The following WDPCP variants were observed in gnomAD, a reference collection of about 807,000 sequenced individuals.
The protein encoded by WDPCP is WD repeat containing planar cell polarity effector.
In WDPCP, 71 loss-of-function variants were observed where a neutral mutation model predicts 93.1. That is an observed-to-expected ratio of 0.76 (90% CI 0.63 to 0.93). The LOEUF (loss-of-function observed/expected upper bound fraction) is 0.93, where lower values mean the gene tolerates loss of function less well. Among genes scored for constraint, WDPCP ranks in the 40% least tolerant of loss-of-function variants. The pLI is 0.00. For synonymous variants in WDPCP, 315 were observed against 315.0 expected, an observed-to-expected ratio of 1.00 and a Z score of 0.00; for missense variants, 844 against 887.4, an observed-to-expected ratio of 0.95 and a Z score of 0.62.
chr2:63,711,412 T>C (rs1308928670), intron 2 of WDPCP: 1 of 152,176 alleles, frequency 6.6e-6, no homozygotes, highest in African/African-American at 2.4e-5. Flanking sequence ...AATGGAAGGA[T>C]ACTTTCCATA....
Position 63,313,870 on chromosome 2 carries a change from A to ATATATGTGTGTG in WDPCP, c.1749-560_1749-559insCACACACATATA, listed in dbSNP as rs1559311939. On this transcript the variant is annotated intron_variant, in intron 12 of 17. Coordinates refer to ENST00000272321, the MANE Select transcript of WDPCP (RefSeq NM_015910.7). ...TATTCATACATATATATATATATAT[A>ATATATGTGTGTG]TATATATATATATATATTTTTTTTT... 4.3e-4 allele frequency among the ~76,000 whole-genome samples: 21 copies of ATATATGTGTGTG among 48,672 alleles called. 1 individual carries two copies. Among genetic ancestry groups the ATATATGTGTGTG allele is most frequent in the South Asian group, 1.5e-3 (2 of 1,376 alleles). The allele number at this position is 48,672 out of a possible 152,430, so 31.9% of individuals were successfully genotyped here.
At chr2:63,281,008 C>A (rs944584548) in intron 13 of WDPCP, among the ~76,000 whole-genome samples, 1 of 151,990 alleles carries the variant, frequency 6.6e-6, no homozygotes, top group Non-Finnish European at 1.5e-5. Context: ...AGTTTTTCTG[C>A]ACTGGAAAAG....
chr2:63,337,201 C>A (rs1264547996), intron 12 of WDPCP, among the ~76,000 whole-genome samples: 1 of 152,168 alleles, frequency 6.6e-6, no homozygotes, highest in Non-Finnish European at 1.5e-5. Context: ...CCATGAGAGT[C>A]ACTTTTTAAG....
chr2:63,282,539 C>A (rs1054317870), intron 13 of WDPCP, among the ~76,000 whole-genome samples: 5 of 151,920 alleles, frequency 3.3e-5, no homozygotes, highest in African/African-American at 1.2e-4. Context: ...ACACATAGAT[C>A]GATGGAACAG....
chr2:63,706,595 C>G (rs1284666149), intron 2 of WDPCP, among the ~76,000 whole-genome samples: 1 of 63,648 alleles, frequency 1.6e-5, no homozygotes, highest in African/African-American at 5.7e-5. Context: ...GTTGAAAATT[C>G]TTTTCTTTTT....
At chr2:63,240,611 TC>T (rs1679789631) in intron 14 of WDPCP, among the ~76,000 whole-genome samples, 1 of 152,192 alleles carries the variant, frequency 6.6e-6, no homozygotes, top group African/African-American at 2.4e-5. Flanking sequence ...TTCTGTTTAT[TC>T]TTTAACTACA....
chr2:63,238,161 C>T (rs1172569982), intron 14 of WDPCP, among the ~76,000 whole-genome samples: 1 of 152,024 alleles, frequency 6.6e-6, no homozygotes, highest in South Asian at 2.1e-4. Flanking sequence ...CTATTAGCAA[C>T]TCATTCTTCA....
At chr2:63,507,844 G>A (rs989925687) in intron 1 of WDPCP, among the ~76,000 whole-genome samples, 1 of 151,976 alleles carries the variant, frequency 6.6e-6, no homozygotes, top group Non-Finnish European at 1.5e-5. Flanking sequence ...AGAGATTGAA[G>A]ATCAACTTAA....
chr2:63,732,145 T>C (rs986672888), intron 2 of WDPCP, among the ~76,000 whole-genome samples: 1 of 152,084 alleles, frequency 6.6e-6, no homozygotes, highest in African/African-American at 2.4e-5. Flanking sequence ...AAGACACAGA[T>C]GGGGGGAAAT....
At chr2:63,205,314 C>T (rs1272357304) in intron 14 of WDPCP, among the ~76,000 whole-genome samples, 1 of 152,074 alleles carries the variant, frequency 6.6e-6, no homozygotes, top group Non-Finnish European at 1.5e-5. Context: ...TACTCTGCGT[C>T]TCTTGTGGTT....
intron 13 of WDPCP, among the ~76,000 whole-genome samples, chr2:63,309,209 T>G (rs1176838438): frequency 3.9e-5 from 6 of 152,186 alleles, no homozygotes; most frequent in Admixed American, 3.9e-4. Flanking sequence ...CATTACTCAG[T>G]GTATCCATGT....
At chr2:63,596,046 A>G (rs1017149701) in intron 3 of WDPCP, among the ~76,000 whole-genome samples, 1 of 152,236 alleles carries the variant, frequency 6.6e-6, no homozygotes, top group Non-Finnish European at 1.5e-5. Flanking sequence ...CATATGCTCT[A>G]TAGTTTGAAA....
intron 13 of WDPCP, among the ~76,000 whole-genome samples, chr2:63,301,587 C>T (rs1459088441): frequency 6.6e-6 from 1 of 152,164 alleles, no homozygotes; most frequent in East Asian, 1.9e-4. Flanking sequence ...AGGCAGAGAA[C>T]TAGAGCCACT....
chr2:63,262,917 A>G (rs528666177), intron 13 of WDPCP, among the ~76,000 whole-genome samples: 71 of 152,310 alleles, frequency 4.7e-4, no homozygotes, highest in African/African-American at 1.6e-3. Context: ...AAGAGGGCAA[A>G]CATTAATAGT....
chr2:63,732,542 T>C (rs1227408191), intron 2 of WDPCP, among the ~76,000 whole-genome samples: 1 of 152,146 alleles, frequency 6.6e-6, no homozygotes, highest in Non-Finnish European at 1.5e-5. Flanking sequence ...TATATACTTA[T>C]TAGAGAATAA....
At chr2:63,532,031 C>T (rs1457789451) in intron 1 of WDPCP, among the ~76,000 whole-genome samples, 1 of 152,114 alleles carries the variant, frequency 6.6e-6, no homozygotes, top group Admixed American at 6.5e-5. Context: ...CCTGATGGGG[C>T]TGAAAACCAT....
chr2:63,818,088 T>C (rs1189638871), intron 1 of WDPCP, among the ~76,000 whole-genome samples: 3 of 152,218 alleles, frequency 2.0e-5, no homozygotes, highest in African/African-American at 7.2e-5. Context: ...CAACAGTTCA[T>C]TACAGAGTAA....
intron 17 of WDPCP, among the ~76,000 whole-genome samples, chr2:63,124,351 C>T (rs148224794): frequency 4.6e-5 from 7 of 151,772 alleles, no homozygotes; most frequent in South Asian, 2.1e-4. Context: ...AATGAAACTA[C>T]GTGTTAATTC....
At chr2:63,671,477 A>T (rs1026626167) in intron 2 of WDPCP, among the ~76,000 whole-genome samples, 12 of 152,018 alleles carry the variant, frequency 7.9e-5, no homozygotes, top group Non-Finnish European at 1.5e-4. Context: ...GACTTGCTTT[A>T]TTAGCCGATG....
Sources: allele counts gnomAD v4.1 joint callset (sites outside exome capture counted in the v4.1 genomes callset), GRCh38; gene constraint gnomAD v4.1.1; transcripts MANE v1.5; gene names NCBI Gene and HGNC (gene_info 2026-07-23, HGNC 2026-07-21).